Variants in RARA observed in about 807,000 individuals in gnomAD.
RARA encodes retinoic acid receptor alpha.
A neutral mutation model predicts 42.8 loss-of-function variants in RARA; 5 were observed. The ratio of observed to expected loss-of-function variants is 0.12; its 90% CI spans 0.06 to 0.25. The LOEUF is 0.25. RARA is among the 10% of genes least tolerant of loss of function. The pLI is 1.00. For missense variants in RARA, 402 were observed against 628.7 expected (o/e 0.64, Z 3.86); for synonymous variants, 256 against 259.5 (o/e 0.99, Z 0.13).
chr17:40,355,939 C>A lies in RARA; in HGVS notation c.1172-70C>A. 1.4e-6 allele frequency: 2 copies of A among 1,396,504 alleles called. No homozygotes were observed. Among genetic ancestry groups the A allele is most frequent in the Non-Finnish European group, 1.9e-6 (2 of 1,025,738 alleles). The allele number at this position is 1,396,504 out of a possible 1,614,324, so 86.5% of individuals were successfully genotyped here. A position where few individuals can be genotyped will look rare whatever the true frequency, so the allele number is the denominator to read the frequency against. ...CAGTATTGATCTTCCCACCTCGAGC[C>A]AGGCTTGCTGGGGCTGGGGGTGGGA... On this transcript the variant is annotated intron_variant, in intron 8 of 8. Transcript: ENST00000254066. The surrounding 1 kb of genome is among the most constrained non-coding windows in gnomAD (Gnocchi z 4.1).
rs1292427373 is a variant in RARA, at chr17:40,351,315, A to G, written c.470-595A>G. 1 of 232,494 alleles carries G rather than the reference A, an allele frequency of 4.3e-6. No individual in the cohort carries two copies. Among genetic ancestry groups the G allele is most frequent in the African/African-American group, 2.3e-5 (1 of 42,680 alleles). 14.4% of individuals were successfully genotyped at this position (232,494 alleles called of 1,614,324 possible). A position where few individuals can be genotyped will look rare whatever the true frequency, so the allele number is the denominator to read the frequency against. On this transcript the variant is annotated intron_variant, in intron 4 of 8. Transcript: ENST00000254066. This position sits in a 1 kb window ranked among gnomAD's most constrained non-coding sequence, Gnocchi z 4.1. Reference sequence around the variant, plus strand: ...CTGTGAGTGATTGTGTGTCTGGATAATCGGCTGGTAACGACCCCATCGCTT... The same window carrying G: ...CTGTGAGTGATTGTGTGTCTGGATAGTCGGCTGGTAACGACCCCATCGCTT...
Position 40,352,579 on chromosome 17 carries a change from C to T in RARA, c.807+72C>T. On this transcript the variant is annotated intron_variant, in intron 6 of 8. Transcript: ENST00000254066. The surrounding 1 kb of genome is among the most constrained non-coding windows in gnomAD (Gnocchi z 4.9). The stretch of plus-strand genomic sequence containing the variant: ...GTAGATGTCCTTCCAGCCAGACAGC[C>T]ACCCTCCTAAATGTCTGTCTGCAAT... The T allele has an allele frequency of 1.5e-6, 2 of 1,348,970 alleles. No individual in the cohort carries two copies. The highest frequency in any genetic ancestry group is 2.0e-6 in the Non-Finnish European group (2 of 1,003,874). The allele number at this position is 1,348,970 out of a possible 1,614,324, so 83.6% of individuals were successfully genotyped here.
chr17:40,314,174 G>A (rs1439234343), intron 1 of RARA, among the ~76,000 whole-genome samples: 12 of 147,564 alleles, frequency 8.1e-5, no homozygotes, highest in Admixed American at 4.0e-4. Flanking sequence ...GGGATATGGC[G>A]GGTGGAGGGG....
intron 2 of RARA, among the ~76,000 whole-genome samples, chr17:40,339,628 G>A (rs2033965918): frequency 6.6e-6 from 1 of 152,100 alleles, no homozygotes; most frequent in Admixed American, 6.5e-5. Flanking sequence ...CCTCTTCCCA[G>A]AAATCTTCAC....
Position 40,356,777 on chromosome 17 carries a change from GA to G in RARA, c.*553del. 2.0e-6 allele frequency: 1 copy of G among 500,360 alleles called. No individual in the cohort carries two copies. The highest frequency in any genetic ancestry group is 5.1e-4 in the Middle Eastern group (1 of 1,954). 31.0% of individuals were successfully genotyped at this position (500,360 alleles called of 1,614,324 possible). On this transcript the variant is annotated 3_prime_UTR_variant, in exon 9 of 9. Coordinates refer to ENST00000254066, the MANE Select transcript of RARA (RefSeq NM_000964.4). ...TTTTTTGTTTTGATTTTTTTAATAA[GA>G]ATTTTCATTTTAAGCACATTTATAC...
intron 1 of RARA, among the ~76,000 whole-genome samples, chr17:40,310,376 C>T (rs907030255): frequency 6.7e-6 from 1 of 149,574 alleles, no homozygotes; most frequent in African/African-American, 2.5e-5. Flanking sequence ...GTGTGTCTTG[C>T]TTCTGGGGGT....
chr17:40,356,244 A>T lies in RARA; in HGVS notation c.*18A>T. 1.9e-6 allele frequency: 3 copies of T among 1,548,056 alleles called. No homozygotes were observed. The highest frequency in any genetic ancestry group is 2.6e-6 in the Non-Finnish European group (3 of 1,145,288). ...CCCCGTGACCGCCCACGCCACATGG[A>T]CACAGCCCTCGCCCTCCGCCCCGGC... On this transcript the variant is annotated 3_prime_UTR_variant, in exon 9 of 9. Coordinates refer to ENST00000254066, the MANE Select transcript of RARA (RefSeq NM_000964.4).
intron 1 of RARA, among the ~76,000 whole-genome samples, chr17:40,315,098 A>ATG (rs1055392712): frequency 1.6e-5 from 2 of 125,348 alleles, no homozygotes; most frequent in African/African-American, 3.0e-5. Flanking sequence ...ATTGGGTTAT[A>ATG]TGTATATATA....
intron 1 of RARA, among the ~76,000 whole-genome samples, chr17:40,310,183 G>A (rs1169944068): frequency 6.6e-6 from 1 of 152,166 alleles, no homozygotes; most frequent in Non-Finnish European, 1.5e-5. Flanking sequence ...AGGTCCCCAA[G>A]CTTCTGCCCC....
intron 6 of RARA, among the ~76,000 whole-genome samples, chr17:40,353,376 G>T (rs1276697867): frequency 6.6e-6 from 1 of 152,166 alleles, no homozygotes; most frequent in South Asian, 2.1e-4. Flanking sequence ...CCTGACAAGG[G>T]CTCGGTCCAC....
rs748355308 is a variant in RARA, at chr17:40,348,441, G to A, written c.304G>A (p.Val102Ile). The A allele has an allele frequency of 6.2e-7, 1 of 1,613,278 alleles. No homozygotes were observed. Among genetic ancestry groups the A allele is most frequent in the South Asian group, 1.1e-5 (1 of 90,986 alleles). ...CAAGTCCTCAGGCTACCACTATGGG[G>A]TCAGCGCCTGTGAGGGCTGCAAGGT... ...QDKSSGYHYG[V>I]SACEGCKGFF... is the part of the protein sequence containing the mutation. The change falls in exon 3 of 9, where the codon GTC (valine) becomes ATC (isoleucine). Residue 102 changes from valine (V) to isoleucine (I), a missense_variant. Around this residue, in one of 5 missense-constraint regions of RARA, gnomAD observed 130 missense variants for 267.9 expected, o/e 0.49. Transcript: ENST00000254066.
At chr17:40,341,640 G>T in intron 2 of RARA, 1 of 1,343,456 alleles carries the variant, frequency 7.4e-7, no homozygotes. Flanking sequence ...CGGAGGTGAG[G>T]CGCCGCCAGG....
intron 2 of RARA, among the ~76,000 whole-genome samples, chr17:40,343,833 G>A (rs1190081558): frequency 6.6e-6 from 1 of 152,194 alleles, no homozygotes; most frequent in Non-Finnish European, 1.5e-5. Flanking sequence ...CCTGGGTGCA[G>A]GCTCCTCTGG....
In RARA at chr17:40,352,341, C is replaced by T; in HGVS notation, c.641C>T (p.Ser214Leu). The T allele has an allele frequency of 6.2e-7, 1 of 1,605,946 alleles. No individual in the cohort carries two copies. The highest frequency in any genetic ancestry group is 8.5e-7 in the Non-Finnish European group (1 of 1,174,932). The change falls in exon 6 of 9, where the codon TCA becomes TTA. Residue 214 changes from serine (S) to leucine (L), a missense_variant. Around this residue, in one of 5 missense-constraint regions of RARA, gnomAD observed 130 missense variants for 267.9 expected, o/e 0.49. Transcript: ENST00000254066. The surrounding 1 kb of genome is among the most constrained non-coding windows in gnomAD (Gnocchi z 4.9). ...QLGKYTTNNS[S>L]EQRVSLDIDL... is the part of the protein sequence containing the mutation. ...TCCCTCCTCCCCCAGAACAACAGCT[C>T]AGAACAACGTGTCTCTCTGGACATT...
At position 40,352,639 on chromosome 17, in the gene RARA, C is replaced by T. The variant is rs1023264103; in HGVS notation, c.807+132C>T. ...CAAATGCCCACCGCCCAAATGTCTG[C>T]CCTTCCTCTCCCCATATGTCCACCT... On this transcript the variant is annotated intron_variant, in intron 6 of 8. Transcript: ENST00000254066. This position sits in a 1 kb window ranked among gnomAD's most constrained non-coding sequence, Gnocchi z 4.9. 1.2e-6 allele frequency: 1 copy of T among 842,032 alleles called. No individual in the cohort carries two copies. Among genetic ancestry groups the T allele is most frequent in the Non-Finnish European group, 1.7e-6 (1 of 573,916 alleles). The allele number at this position is 842,032 out of a possible 1,614,324, so 52.2% of individuals were successfully genotyped here.
chr17:40,342,072 G>A (rs1276540690), intron 2 of RARA: 2 of 1,048,622 alleles, frequency 1.9e-6, no homozygotes, highest in African/African-American at 1.7e-5. Context: ...AATGGGTTAA[G>A]CCAGGGGCGG....
chr17:40,349,657 G>T, intron 3 of RARA, 127 bp from the exon 4 acceptor site: 2 of 1,224,438 alleles, frequency 1.6e-6, no homozygotes, highest in Non-Finnish European at 2.3e-6. Flanking sequence ...GGCCTGCTCA[G>T]GTAGGCGATG....
chr17:40,330,177 C>G (rs1005208485), intron 1 of RARA, among the ~76,000 whole-genome samples: 4 of 152,242 alleles, frequency 2.6e-5, no homozygotes, highest in South Asian at 4.1e-4. Context: ...AGATCAATCT[C>G]TCCTTCATTG....
chr17:40,348,161 C>A (rs2034328666), intron 2 of RARA, 155 bp from the exon 3 acceptor site: 1 of 937,154 alleles, frequency 1.1e-6, no homozygotes, highest in Non-Finnish European at 1.5e-6. Context: ...TGCCCTGAGT[C>A]TGGCTGGGGA....
Sources: allele counts gnomAD v4.1 joint callset (sites outside exome capture counted in the v4.1 genomes callset), GRCh38; gene constraint gnomAD v4.1.1; regional missense constraint gnomAD v4.1.1; non-coding constraint Gnocchi (gnomAD v3.1); transcripts MANE v1.5; gene names NCBI Gene and HGNC (gene_info 2026-07-23, HGNC 2026-07-21).